Variants in AVPR1B observed in about 807,000 individuals in gnomAD.
AVPR1B encodes arginine vasopressin receptor 1B.
A neutral mutation model predicts 27.5 loss-of-function variants in AVPR1B; 25 were observed. The ratio of observed to expected loss-of-function variants is 0.91; its 90% CI spans 0.66 to 1.27. The LOEUF (loss-of-function observed/expected upper bound fraction) is 1.27, where lower values mean the gene tolerates loss of function less well. AVPR1B is among the 50% of genes most tolerant of loss of function. AVPR1B has a pLI of 0.00. For missense variants in AVPR1B, 595 were observed against 556.9 expected, an observed-to-expected ratio of 1.07 and a Z score of -0.69; for synonymous variants, 248 against 240.2, an observed-to-expected ratio of 1.03 and a Z score of -0.30.
intron 1 of AVPR1B, among the ~76,000 whole-genome samples, chr1:206,115,077 A>C (rs1553290299): frequency 6.6e-6 from 1 of 152,218 alleles, no homozygotes; most frequent in Non-Finnish European, 1.5e-5. Flanking sequence ...TATGAGAATC[A>C]GCTCATTAAA....
rs781803425 is a variant in AVPR1B, at chr1:206,116,582, G to A, written c.309C>T (p.Pro103=). 1.2e-6 allele frequency: 2 copies of A among 1,614,100 alleles called. No individual in the cohort carries two copies. The highest frequency in any genetic ancestry group is 1.1e-5 in the South Asian group (1 of 91,086). Residue 103 remains proline (P), a synonymous_variant, in exon 1 of 2, where the codon CCC becomes CCT. Transcript: ENST00000367126. ...LWDITYRFQG[P]DLLCRAVKYL... ...ACTTGACGGCCCTGCACAGGAGGTC[G>A]GGGCCCTGGAAGCGGTAGGTGATGT...
At position 206,116,411 on chromosome 1, in the gene AVPR1B, C is replaced by A. The variant is rs1298957672; in HGVS notation, c.480G>T (p.Leu160=). Residue 160 remains leucine, a synonymous_variant, in exon 1 of 2, where the codon CTG becomes CTT. Transcript: ENST00000367126. The part of the protein sequence containing the change: ...TYLLIAAPWL[L]AAIFSLPQVF... ...CTTGAGGGAGGCTGAAGATGGCGGC[C>A]AGCAGCCAGGGAGCAGCGATGAGCA... is the stretch of plus-strand genomic sequence containing the variant. 5.6e-6 allele frequency: 9 copies of A among 1,613,826 alleles called. No individual in the cohort carries two copies. Among genetic ancestry groups the A allele is most frequent in the Non-Finnish European group, 7.6e-6 (9 of 1,180,054 alleles).
At chr1:206,114,233 TTGG>T (rs1663426286) in intron 1 of AVPR1B, among the ~76,000 whole-genome samples, 1 of 152,164 alleles carries the variant, frequency 6.6e-6, no homozygotes, top group African/African-American at 2.4e-5. Flanking sequence ...CTGGTGGGAA[TTGG>T]TGGCCTGAGA....
Position 206,116,287 on chromosome 1 carries a change from A to G in AVPR1B, c.604T>C (p.Trp202Arg), listed in dbSNP as rs781883502. ...FPWGPRAYLT[W>R]TTLAIFVLPV... ...AGAACGAAGATAGCCAGGGTGGTCC[A>G]GGTGAGGTAGGCCCGTGGCCCCCAA... is the stretch of plus-strand genomic sequence containing the variant. The change falls in exon 1 of 2, where the codon TGG becomes CGG. Residue 202 changes from tryptophan to arginine, a missense_variant. Transcript: ENST00000367126. The G allele has an allele frequency of 6.8e-6, 11 of 1,613,542 alleles. No homozygotes were observed. The Admixed American group carries it at 1.7e-4, about 24-fold the overall frequency.
intron 1 of AVPR1B, among the ~76,000 whole-genome samples, chr1:206,115,468 A>G (rs922466730): frequency 3.3e-5 from 5 of 152,236 alleles, no homozygotes; most frequent in Non-Finnish European, 5.9e-5. Context: ...CCTCATTAGT[A>G]ACATGAAGAG....
intron 1 of AVPR1B, among the ~76,000 whole-genome samples, chr1:206,113,079 G>C (rs1663406023): frequency 6.6e-6 from 1 of 152,202 alleles, no homozygotes; most frequent in African/African-American, 2.4e-5. Flanking sequence ...GATTAAGCCA[G>C]GGACAAAGGA....
At chr1:206,110,950 C>T (rs546690404) in intron 1 of AVPR1B, among the ~76,000 whole-genome samples, 45 of 152,306 alleles carry the variant, frequency 3.0e-4, no homozygotes, top group South Asian at 2.3e-3. Flanking sequence ...GCTCAGGCCC[C>T]GCCCATCTCC....
Position 206,116,000 on chromosome 1 carries a change from G to C in AVPR1B, c.891C>G (p.Phe297Leu), listed in dbSNP as rs1553290436. ...VLAYIACWAP[F>L]FSVQMWSVWD... Reference sequence around the variant, plus strand: ...ACACGGACCACATCTGGACACTGAAGAAGGGAGCCCAGCAAGCGATGTAGG... The same window carrying C: ...ACACGGACCACATCTGGACACTGAACAAGGGAGCCCAGCAAGCGATGTAGG... The change falls in exon 1 of 2, where the codon TTC becomes TTG. Residue 297 changes from phenylalanine (F) to leucine (L), a missense_variant. Coordinates refer to ENST00000367126, the MANE Select transcript of AVPR1B (RefSeq NM_000707.5). The C allele has an allele frequency of 1.2e-6, 2 of 1,613,766 alleles. No homozygotes were observed. Among genetic ancestry groups the C allele is most frequent in the African/African-American group, 1.3e-5 (1 of 74,940 alleles).
chr1:206,116,164 C>T lies in AVPR1B; in HGVS notation c.727G>A (p.Gly243Ser). 1 of 1,613,986 alleles carries T rather than the reference C, an allele frequency of 6.2e-7. No individual in the cohort carries two copies. The highest frequency in any genetic ancestry group is 1.1e-5 in the South Asian group (1 of 91,074). ...GAGGGCCTGTCCCAAGTCCTCCAGC[C>T]CCCTCCTCCCACCCGCCAGGCCTGT... Reference protein sequence around the residue: ...KTQAWRVGGGGWRTWDRPSPS... With the variant: ...KTQAWRVGGGSWRTWDRPSPS... Residue 243 changes from glycine to serine, a missense_variant, in exon 1 of 2, where the codon GGC becomes AGC. Transcript: ENST00000367126.
rs1553289166 is a variant in AVPR1B, at chr1:206,107,535, A to G, written c.*2654T>C. 6.6e-6 allele frequency among the ~76,000 whole-genome samples: 1 copy of G among 152,104 alleles called. No individual in the cohort carries two copies. Among genetic ancestry groups the G allele is most frequent in the East Asian group, 1.9e-4 (1 of 5,174 alleles). ...CTCAGCCAGTGTGCAGTCGCTCCCC[A>G]CTGTCCATATCACAGGACAGAACCA... On this transcript the variant is annotated 3_prime_UTR_variant, in exon 2 of 2. Coordinates refer to ENST00000367126, the MANE Select transcript of AVPR1B (RefSeq NM_000707.5).
intron 1 of AVPR1B, among the ~76,000 whole-genome samples, chr1:206,111,100 G>A (rs559246349): frequency 6.6e-6 from 1 of 152,194 alleles, no homozygotes; most frequent in South Asian, 2.1e-4. Context: ...CTATGCTGGG[G>A]ACCTGATGGG....
intron 1 of AVPR1B, among the ~76,000 whole-genome samples, chr1:206,110,953 C>G (rs1663366812): frequency 6.6e-6 from 1 of 152,202 alleles, no homozygotes; most frequent in Non-Finnish European, 1.5e-5. Flanking sequence ...CAGGCCCCGC[C>G]CATCTCCATC....
At chr1:206,113,339 C>G (rs1280091423) in intron 1 of AVPR1B, among the ~76,000 whole-genome samples, 12 of 152,136 alleles carry the variant, frequency 7.9e-5, no homozygotes, top group African/African-American at 2.9e-4. Context: ...AGGCTCTGAC[C>G]AAAGACTTGG....
In AVPR1B at chr1:206,110,011, C is replaced by T. The variant is rs1425084687; in HGVS notation, c.*178G>A. ...GATTGGGAGCTTATGAGGCAGCCCTCACACTAGGGGCAGCTGTGACACCAG... is the reference window on the plus strand; with the variant it reads ...GATTGGGAGCTTATGAGGCAGCCCTTACACTAGGGGCAGCTGTGACACCAG... On this transcript the variant is annotated 3_prime_UTR_variant, in exon 2 of 2. Coordinates refer to ENST00000367126, the MANE Select transcript of AVPR1B (RefSeq NM_000707.5). The T allele has an allele frequency of 2.7e-5, 18 of 677,514 alleles. No homozygotes were observed. Among genetic ancestry groups the T allele is most frequent in the Non-Finnish European group, 4.2e-5 (17 of 408,194 alleles). 42.0% of individuals were successfully genotyped at this position (677,514 alleles called of 1,614,324 possible).
chr1:206,114,398 A>G (rs1663428013), intron 1 of AVPR1B, among the ~76,000 whole-genome samples: 1 of 152,202 alleles, frequency 6.6e-6, no homozygotes, highest in Admixed American at 6.5e-5. Context: ...ATAGCCACCC[A>G]GACAGGTCAG....
intron 1 of AVPR1B, among the ~76,000 whole-genome samples, chr1:206,112,506 A>G (rs34020983): frequency 0.069 from 10,482 of 152,162 alleles, 1,035 homozygotes; most frequent in African/African-American, 0.22. Flanking sequence ...TTTTTGAGAC[A>G]GGGTCTCGCT....
rs1335438068 is a variant in AVPR1B, at chr1:206,109,293, G to A, written c.*896C>T. Among the ~76,000 whole-genome samples the A allele has an allele frequency of 1.3e-5, 2 of 152,126 alleles. No individual in the cohort carries two copies. The highest frequency in any genetic ancestry group is 2.4e-5 in the African/African-American group (1 of 41,412). ...ATGATGATGTCACCTTTTCTCAAAG[G>A]AGGTCTCCTCTGTGTAGCCCCCGGG... On this transcript the variant is annotated 3_prime_UTR_variant, in exon 2 of 2. Coordinates refer to ENST00000367126, the MANE Select transcript of AVPR1B (RefSeq NM_000707.5).
chr1:206,114,498 A>C (rs1171023155), intron 1 of AVPR1B, among the ~76,000 whole-genome samples: 1 of 152,162 alleles, frequency 6.6e-6, no homozygotes, highest in Non-Finnish European at 1.5e-5. Context: ...CTGCCTAGAC[A>C]CAGCCCCTGC....
chr1:206,117,199 A>C lies in AVPR1B; in HGVS notation c.-309T>G. Reference sequence around the variant, plus strand: ...GTGCAGAGTGAGGCTTCTGGGAGGGAAAGAAGGCTGGGGAGGGGCTACCAC... The same window carrying C: ...GTGCAGAGTGAGGCTTCTGGGAGGGCAAGAAGGCTGGGGAGGGGCTACCAC... On this transcript the variant is annotated 5_prime_UTR_variant, in exon 1 of 2. Coordinates refer to ENST00000367126, the MANE Select transcript of AVPR1B (RefSeq NM_000707.5). 2.9e-6 allele frequency: 1 copy of C among 340,352 alleles called. No individual in the cohort carries two copies. The highest frequency in any genetic ancestry group is 5.2e-5 in the East Asian group (1 of 19,154). 21.1% of individuals were successfully genotyped at this position (340,352 alleles called of 1,614,324 possible). A position where few individuals can be genotyped will look rare whatever the true frequency, so the allele number is the denominator to read the frequency against.
Sources: allele counts gnomAD v4.1 joint callset (sites outside exome capture counted in the v4.1 genomes callset), GRCh38; gene constraint gnomAD v4.1.1; transcripts MANE v1.5; gene names NCBI Gene and HGNC (gene_info 2026-07-23, HGNC 2026-07-21).